Variants in ZNF90 observed in about 807,000 individuals in gnomAD.
ZNF90 encodes zinc finger protein HTF9.
A neutral mutation model predicts 12.0 loss-of-function variants in ZNF90; 11 were observed. The ratio of observed to expected loss-of-function variants is 0.92; its 90% CI spans 0.58 to 1.52. ZNF90 has a LOEUF of 1.52. Ranked by LOEUF, ZNF90 falls within the 40% of genes most tolerant of loss-of-function variation. ZNF90 has a pLI of 0.00. For missense variants in ZNF90, 765 were observed against 711.5 expected, an observed-to-expected ratio of 1.08 and a Z score of -0.86; for synonymous variants, 232 against 240.1, an observed-to-expected ratio of 0.97 and a Z score of 0.31.
chr19:20,084,186 T>C (rs1215194802), intron 1 of ZNF90, among the ~76,000 whole-genome samples: 1 of 151,986 alleles, frequency 6.6e-6, no homozygotes, highest in Non-Finnish European at 1.5e-5. Flanking sequence ...TCTGTGTAGC[T>C]GGGACTACAG....
intron 1 of ZNF90, among the ~76,000 whole-genome samples, chr19:20,103,440 G>C (rs1417326399): frequency 2.0e-5 from 3 of 152,176 alleles, no homozygotes; most frequent in African/African-American, 7.2e-5. Context: ...TATTTCAACA[G>C]TGATGCTGTA....
Position 20,085,222 on chromosome 19 carries a change from T to C in ZNF90, c.3+7087T>C, listed in dbSNP as rs2335901. Among the ~76,000 whole-genome samples the C allele has an allele frequency of 7.0e-3, 1,057 of 151,984 alleles. 63 individuals are homozygous for C. In the East Asian group the frequency reaches 0.15, roughly 22 times the overall value. The stretch of plus-strand genomic sequence containing the variant: ...AGCTTTGTCAGAAATCTGATGGCGG[T>C]AGGAGGGTGGCATTATTTCTGGCCT... On this transcript the variant is annotated intron_variant, in intron 1 of 3. Coordinates refer to ENST00000418063, the MANE Select transcript of ZNF90 (RefSeq NM_007138.2).
intron 3 of ZNF90, among the ~76,000 whole-genome samples, chr19:20,112,233 A>ATTT (rs35771879): frequency 3.6e-5 from 5 of 137,472 alleles, no homozygotes; most frequent in South Asian, 2.3e-4. Flanking sequence ...AATAATTTTG[A>ATTT]TTTTTTTTTT....
At chr19:20,114,632 G>A (rs2122524094) in intron 3 of ZNF90, among the ~76,000 whole-genome samples, 1 of 151,834 alleles carries the variant, frequency 6.6e-6, no homozygotes, top group Non-Finnish European at 1.5e-5. Flanking sequence ...TTCCGTTTTT[G>A]TCATAGAAAG....
At chr19:20,107,290 GT>G (rs780091968) in intron 3 of ZNF90, among the ~76,000 whole-genome samples, 12 of 152,288 alleles carry the variant, frequency 7.9e-5, no homozygotes, top group Non-Finnish European at 1.6e-4. Flanking sequence ...GTTTGGGATG[GT>G]TACAGAGTAA....
chr19:20,118,179 G>C lies in ZNF90; in HGVS notation c.625G>C (p.Ala209Pro), dbSNP rs781859797. Residue 209 changes from alanine (A) to proline (P), a missense_variant, in exon 4 of 4, where the codon GCC becomes CCC. Coordinates refer to ENST00000418063, the MANE Select transcript of ZNF90 (RefSeq NM_007138.2). ...CTGCAAATGTGAAGAATGTGGCAAA[G>C]CCTTCAACAGGTCCTCACACCTTAC... ...ITCKCEECGK[A>P]FNRSSHLTSH... The C allele has an allele frequency of 1.2e-6, 2 of 1,612,908 alleles. No individual in the cohort carries two copies. The highest frequency in any genetic ancestry group is 1.7e-4 in the Middle Eastern group (1 of 6,052).
At chr19:20,085,867 T>C (rs916362617) in intron 1 of ZNF90, among the ~76,000 whole-genome samples, 3 of 152,240 alleles carry the variant, frequency 2.0e-5, no homozygotes, top group African/African-American at 2.4e-5. Flanking sequence ...TTTATTACTT[T>C]GTTTTTGCTT....
At chr19:20,097,657 C>G (rs369797624) in intron 1 of ZNF90, among the ~76,000 whole-genome samples, 1 of 152,196 alleles carries the variant, frequency 6.6e-6, no homozygotes, top group East Asian at 1.9e-4. Flanking sequence ...TGCTGCCACT[C>G]CATCCATTCT....
At chr19:20,080,412 A>G (rs1045874299) in intron 1 of ZNF90, 5 of 379,042 alleles carry the variant, frequency 1.3e-5, no homozygotes, top group Non-Finnish European at 2.6e-5. Context: ...GACTGTGTGG[A>G]TGCGGCGGGG....
intron 3 of ZNF90, among the ~76,000 whole-genome samples, chr19:20,116,250 A>G (rs2089136398): frequency 1.3e-5 from 2 of 152,270 alleles, no homozygotes; most frequent in Admixed American, 1.3e-4. Flanking sequence ...ACTCACTGCA[A>G]CCATCCCCTC....
In ZNF90 at chr19:20,118,741, C is replaced by T. The variant is rs1555706130; in HGVS notation, c.1187C>T (p.Pro396Leu). The part of the protein sequence containing the change: ...KHKISHSEKK[P>L]YKCEECGKAF... ...AAGATAAGTCATAGTGAAAAGAAAC[C>T]CTACAAATGTGAAGAATGTGGCAAA... Residue 396 changes from proline (P) to leucine (L), a missense_variant, in exon 4 of 4, where the codon CCC (proline) becomes CTC (leucine). By Grantham distance (98) the Pro-to-Leu change is moderately conservative. Coordinates refer to ENST00000418063, the MANE Select transcript of ZNF90 (RefSeq NM_007138.2). The T allele has an allele frequency of 6.2e-7, 1 of 1,608,908 alleles. No homozygotes were observed. Among genetic ancestry groups the T allele is most frequent in the Middle Eastern group, 1.7e-4 (1 of 6,060 alleles).
At chr19:20,110,301 T>C (rs776969893) in intron 3 of ZNF90, among the ~76,000 whole-genome samples, 1 of 152,096 alleles carries the variant, frequency 6.6e-6, no homozygotes, top group African/African-American at 2.4e-5. Context: ...TTTTTTGAGA[T>C]GGAGTCTTGC....
intron 1 of ZNF90, chr19:20,087,096 A>C (rs1356632656): frequency 6.6e-6 from 1 of 152,236 alleles, no homozygotes; most frequent in African/African-American, 2.4e-5. Flanking sequence ...AACAGCAGAG[A>C]TGGAAAAGAA....
At chr19:20,095,860 T>A (rs1483959660) in intron 1 of ZNF90, among the ~76,000 whole-genome samples, 1 of 151,992 alleles carries the variant, frequency 6.6e-6, no homozygotes. Context: ...TACTTGTCCC[T>A]TCCCCAGAAA....
At chr19:20,115,059 C>A (rs1555705523) in intron 3 of ZNF90, among the ~76,000 whole-genome samples, 1 of 152,102 alleles carries the variant, frequency 6.6e-6, no homozygotes, top group Non-Finnish European at 1.5e-5. Context: ...GAAGTTTTGA[C>A]TTAAATTACA....
intron 1 of ZNF90, among the ~76,000 whole-genome samples, chr19:20,078,861 G>A (rs2088798289): frequency 6.6e-6 from 1 of 152,126 alleles, no homozygotes; most frequent in Non-Finnish European, 1.5e-5. Context: ...GGTGGCTCCT[G>A]CCTGTAATTT....
At chr19:20,096,438 C>T (rs371956911) in intron 1 of ZNF90, among the ~76,000 whole-genome samples, 237 of 151,396 alleles carry the variant, frequency 1.6e-3, no homozygotes, top group African/African-American at 4.7e-3. Flanking sequence ...AGAGAGTCAG[C>T]GAAGGGAGAT....
chr19:20,112,761 A>G (rs1436829452), intron 3 of ZNF90, among the ~76,000 whole-genome samples: 1 of 152,150 alleles, frequency 6.6e-6, no homozygotes, highest in Non-Finnish European at 1.5e-5. Flanking sequence ...TTGTTACATC[A>G]AAATTTGGGA....
intron 1 of ZNF90, among the ~76,000 whole-genome samples, chr19:20,078,698 C>T (rs142237485): frequency 0.012 from 1,759 of 152,180 alleles, 16 homozygotes; most frequent in South Asian, 0.032. Flanking sequence ...CTCCCTTCTC[C>T]TTTTCTCACA....
Sources: gnomAD v4.1 joint callset for allele counts (sites outside exome capture counted in the v4.1 genomes callset) on GRCh38, gnomAD v4.1.1 for gene constraint, MANE v1.5 for transcripts, NCBI Gene and HGNC (gene_info 2026-07-23, HGNC 2026-07-21) for gene names.